Variants in SLIT3 observed in about 807,000 individuals in gnomAD.
SLIT3 encodes slit guidance ligand 3, also known as slit homolog 3 protein.
Under a neutral mutation model 184.0 loss-of-function variants are expected in SLIT3, and 68 were observed. That is an observed-to-expected ratio of 0.37 (90% CI 0.30 to 0.45). SLIT3 has a LOEUF of 0.45. SLIT3 is among the 20% of genes least tolerant of loss of function. The pLI, the probability that SLIT3 is intolerant of heterozygous loss-of-function variation, is 1.00. For synonymous variants in SLIT3, 831 were observed against 828.6 expected, an observed-to-expected ratio of 1.00 and a Z score of -0.05; for missense variants, 1,707 against 2,026.0, an observed-to-expected ratio of 0.84 and a Z score of 3.02.
chr5:168,927,359 G>C (rs1452176131), intron 4 of SLIT3, among the ~76,000 whole-genome samples: 1 of 152,148 alleles, frequency 6.6e-6, no homozygotes. Context: ...CAGGGTTTGG[G>C]GGTAGGAGGG....
At position 168,692,929 on chromosome 5, in the gene SLIT3, T is replaced by C. The variant is rs114104067; in HGVS notation, c.3083-229A>G. ...CACGGGAAGATTCCAGGTGTCCTCC[T>C]GGACACTGTCCTAGCATCACCATTT... On this transcript the variant is annotated intron_variant, in intron 28 of 35. Transcript: ENST00000519560. Among the ~76,000 whole-genome samples, 746 of 152,344 alleles carry C rather than the reference T, an allele frequency of 4.9e-3. 3 individuals are homozygous for C. Among genetic ancestry groups the C allele is most frequent in the African/African-American group, 0.017 (713 of 41,576 alleles).
chr5:169,277,003 A>G (rs1411718851), intron 1 of SLIT3, among the ~76,000 whole-genome samples: 1 of 152,170 alleles, frequency 6.6e-6, no homozygotes, highest in Non-Finnish European at 1.5e-5. Context: ...CACCATTTAC[A>G]TATTTCCAAA....
intron 12 of SLIT3, among the ~76,000 whole-genome samples, chr5:168,783,683 C>G (rs1756053710): frequency 6.6e-6 from 1 of 152,158 alleles, no homozygotes; most frequent in Admixed American, 6.5e-5. Flanking sequence ...ATCAGTGTCT[C>G]CAGTCTAACA....
At chr5:168,824,436 C>CTA (rs1163361608) in intron 6 of SLIT3, among the ~76,000 whole-genome samples, 1 of 152,174 alleles carries the variant, frequency 6.6e-6, no homozygotes, top group African/African-American at 2.4e-5. Context: ...TGAAGCCAGG[C>CTA]TATAGGCAAG....
intron 4 of SLIT3, among the ~76,000 whole-genome samples, chr5:169,006,298 A>G (rs558997400): frequency 1.3e-5 from 2 of 152,264 alleles, no homozygotes; most frequent in East Asian, 3.9e-4. Context: ...AAAAGCAAAA[A>G]ATTAGCTTCT....
At chr5:169,211,905 T>C (rs1185750919) in intron 3 of SLIT3, among the ~76,000 whole-genome samples, 2 of 152,216 alleles carry the variant, frequency 1.3e-5, no homozygotes, top group Admixed American at 6.5e-5. Flanking sequence ...TCTGTTCTTA[T>C]GTTAGTTTGC....
intron 6 of SLIT3, among the ~76,000 whole-genome samples, chr5:168,838,314 T>C (rs907605688): frequency 1.3e-5 from 2 of 152,122 alleles, no homozygotes; most frequent in African/African-American, 4.8e-5. Context: ...GAAATGCAGT[T>C]CCTAGGATGT....
intron 5 of SLIT3, among the ~76,000 whole-genome samples, chr5:168,868,747 CAAAAAAA>C (rs375837097): frequency 1.7e-4 from 12 of 69,314 alleles, no homozygotes; most frequent in Middle Eastern, 8.5e-3. Context: ...GAATCTGCCT[CAAAAAAA>C]AAAAAAAAAA....
At chr5:169,290,037 A>G (rs1767289990) in intron 1 of SLIT3, among the ~76,000 whole-genome samples, 1 of 150,394 alleles carries the variant, frequency 6.6e-6, no homozygotes. Flanking sequence ...TAGAACGTAC[A>G]TTAGGGCATA....
chr5:169,010,560 G>C (rs1384736712), intron 4 of SLIT3, among the ~76,000 whole-genome samples: 1 of 152,146 alleles, frequency 6.6e-6, no homozygotes, highest in East Asian at 1.9e-4. Flanking sequence ...ACTCATACCT[G>C]AGTTTGTAAA....
chr5:169,271,843 C>T (rs1177956824), intron 1 of SLIT3, among the ~76,000 whole-genome samples: 1 of 152,200 alleles, frequency 6.6e-6, no homozygotes, highest in East Asian at 1.9e-4. Flanking sequence ...AGAGGCCTTG[C>T]CGTAGACCCT....
chr5:168,989,309 GAAGGA>G (rs1165765319), intron 4 of SLIT3, among the ~76,000 whole-genome samples: 1 of 152,172 alleles, frequency 6.6e-6, no homozygotes, highest in Non-Finnish European at 1.5e-5. Flanking sequence ...ACTTGACAGG[GAAGGA>G]AAGCACCTAT....
chr5:168,972,478 G>T (rs9791148), intron 4 of SLIT3, among the ~76,000 whole-genome samples: 5,861 of 151,956 alleles, frequency 0.039, 154 homozygotes, highest in Middle Eastern at 0.065. Context: ...GGCCACCTTG[G>T]TGAGGACTCC....
At chr5:169,142,367 T>C (rs1320936832) in intron 4 of SLIT3, among the ~76,000 whole-genome samples, 1 of 152,180 alleles carries the variant, frequency 6.6e-6, no homozygotes, top group African/African-American at 2.4e-5. Flanking sequence ...TAAATAAAGA[T>C]AAGGCCCTGC....
chr5:169,286,919 T>G (rs1176979698), intron 1 of SLIT3, among the ~76,000 whole-genome samples: 1 of 152,234 alleles, frequency 6.6e-6, no homozygotes, highest in African/African-American at 2.4e-5. Flanking sequence ...GAGAGCTTCC[T>G]GACTGAATAT....
chr5:169,294,856 C>T (rs905073991), intron 1 of SLIT3, among the ~76,000 whole-genome samples: 1 of 152,128 alleles, frequency 6.6e-6, no homozygotes, highest in African/African-American at 2.4e-5. Flanking sequence ...TACAGAATAC[C>T]GTAAGCCACT....
intron 4 of SLIT3, among the ~76,000 whole-genome samples, chr5:169,051,286 CTT>C (rs879340120): frequency 6.8e-6 from 1 of 146,572 alleles, no homozygotes; most frequent in Admixed American, 6.8e-5. Flanking sequence ...CATTTCTAGC[CTT>C]TTTTTTTTTC....
chr5:168,802,319 C>A (rs376108232), intron 9 of SLIT3, among the ~76,000 whole-genome samples: 55 of 152,122 alleles, frequency 3.6e-4, no homozygotes, highest in Non-Finnish European at 7.1e-4. Context: ...ACACAGGTCC[C>A]CAGGTACATG....
At chr5:168,696,212 A>T in intron 28 of SLIT3, 80 bp downstream of exon 28, 2 of 1,516,586 alleles carry the variant, frequency 1.3e-6, no homozygotes, top group African/African-American at 2.7e-5. Flanking sequence ...AGAGGAAGAG[A>T]GTCCCTGGAG....
Sources: allele counts gnomAD v4.1 joint callset (sites outside exome capture counted in the v4.1 genomes callset), GRCh38; gene constraint gnomAD v4.1.1; transcripts MANE v1.5; gene names NCBI Gene and HGNC (gene_info 2026-07-23, HGNC 2026-07-21).